The following MT1E variants were observed in gnomAD, a reference collection of about 807,000 sequenced individuals.
The protein encoded by MT1E is metallothionein 1E.
A neutral mutation model predicts 2.4 loss-of-function variants in MT1E; 1 was observed. The observed-to-expected ratio is 0.41, with a 90% CI of 0.15 to 1.97. The LOEUF is 1.97. Ranked by LOEUF, MT1E falls within the 30% of genes most tolerant of loss-of-function variation. The probability of loss-of-function intolerance (pLI) is 0.30; values close to 1 mark genes in which losing one functional copy is unlikely to be tolerated. For synonymous variants in MT1E, 78 were observed against 63.0 expected (o/e 1.24, Z -1.13); for missense variants, 145 against 149.6 (o/e 0.97, Z 0.16).
At position 56,626,961 on chromosome 16, in the gene MT1E, G is replaced by A; in HGVS notation, c.*140G>A. On this transcript the variant is annotated 3_prime_UTR_variant, in exon 2 of 2. Transcript: ENST00000330439. ...AAAGGGGCATCGGAGAAGTGCAGCT[G>A]CTGTGCCTGATGTGGGAACAGCTCT... 6.2e-7 allele frequency: 1 copy of A among 1,614,232 alleles called. No individual in the cohort carries two copies. The highest frequency in any genetic ancestry group is 1.7e-5 in the Admixed American group (1 of 60,032).
At chr16:56,626,137 C>T (rs1302323649) in intron 1 of MT1E, among the ~76,000 whole-genome samples, 5 of 152,186 alleles carry the variant, frequency 3.3e-5, no homozygotes, top group Non-Finnish European at 7.3e-5. Context: ...GGCCCCAGTG[C>T]TCTGTCCAGG....
chr16:56,626,370 C>G, intron 1 of MT1E, 96 bp from the exon 2 acceptor site: 1 of 1,568,612 alleles, frequency 6.4e-7, no homozygotes, highest in Non-Finnish European at 8.8e-7. Flanking sequence ...TGAGGGCTGG[C>G]CCTGCACAGA....
chr16:56,627,085 C>T lies in MT1E; in HGVS notation c.*264C>T. 1 of 1,374,308 alleles carries T rather than the reference C, an allele frequency of 7.3e-7. No individual in the cohort carries two copies. Among genetic ancestry groups the T allele is most frequent in the Non-Finnish European group, 9.9e-7 (1 of 1,010,908 alleles). The allele number at this position is 1,374,308 out of a possible 1,614,324, so 85.1% of individuals were successfully genotyped here. A position where few individuals can be genotyped will look rare whatever the true frequency, so the allele number is the denominator to read the frequency against. ...ATTTCTTTTTATACTAAATATGTGA[C>T]TGACAATAAAAACAATTTTGACTTT... is the stretch of plus-strand genomic sequence containing the variant. On this transcript the variant is annotated 3_prime_UTR_variant, in exon 2 of 2. Transcript: ENST00000330439.
rs757193975 is a variant in MT1E at position 56,626,770 on chromosome 16, A to T, written c.333A>T (p.Lys111Asn). 19 of 1,613,454 alleles carry T rather than the reference A, an allele frequency of 1.2e-5. No homozygotes were observed. The East Asian group carries it at 4.2e-4, about 36-fold the overall frequency. Residue 111 changes from lysine to asparagine, a missense_variant, in exon 2 of 2, where the codon AAA (lysine) becomes AAT (asparagine). Lys to Asn is a moderately conservative substitution (Grantham distance 94, BLOSUM62 0). Transcript: ENST00000330439. The part of the protein sequence containing the change: ...YGFRTELCQT[K>N]KSILWVWVLS... The stretch of plus-strand genomic sequence containing the variant: ...TCAGAACAGAGCTGTGCCAGACGAA[A>T]AAAAGCATCCTCTGGGTCTGGGTTC...
Position 56,626,861 on chromosome 16 carries a change from C to A in MT1E, c.*40C>A, listed in dbSNP as rs1420491665. ...CGGTCAAGTCTACTGCCACCTCTCACTCTCCCCTTCTTCCCCAGGCTGCTG... is the reference window on the plus strand; with the variant it reads ...CGGTCAAGTCTACTGCCACCTCTCAATCTCCCCTTCTTCCCCAGGCTGCTG... On this transcript the variant is annotated 3_prime_UTR_variant, in exon 2 of 2. Transcript: ENST00000330439. The A allele has an allele frequency of 1.2e-6, 2 of 1,614,112 alleles. No homozygotes were observed. Among genetic ancestry groups the A allele is most frequent in the African/African-American group, 2.7e-5 (2 of 74,928 alleles).
In MT1E at chr16:56,625,811, T is replaced by C. The variant is rs756285349; in HGVS notation, c.-41T>C. ...GCTTTCCAACTGCCTGACTGCTTGT[T>C]CGTCTCACTGGTGTGAGCTCCAGCA... On this transcript the variant is annotated 5_prime_UTR_variant, in exon 1 of 2. Transcript: ENST00000330439. 1 of 1,611,996 alleles carries C rather than the reference T, an allele frequency of 6.2e-7. No homozygotes were observed. Among genetic ancestry groups the C allele is most frequent in the East Asian group, 2.2e-5 (1 of 44,864 alleles).
In MT1E at chr16:56,627,071, T is replaced by TA. The variant is rs1210527221; in HGVS notation, c.*251dup. 1.4e-6 allele frequency: 2 copies of TA among 1,452,678 alleles called. No individual in the cohort carries two copies. Among genetic ancestry groups the TA allele is most frequent in the African/African-American group, 2.8e-5 (2 of 70,686 alleles). The allele number at this position is 1,452,678 out of a possible 1,614,324, so 90.0% of individuals were successfully genotyped here. ...GAGCCATTTGCTGCATTTCTTTTTA[T>TA]ACTAAATATGTGACTGACAATAAAA... On this transcript the variant is annotated 3_prime_UTR_variant, in exon 2 of 2. Transcript: ENST00000330439.
Position 56,626,833 on chromosome 16 carries a change from G to A in MT1E, c.*12G>A, listed in dbSNP as rs1291107362. ...AGGCTTGCTATTAGGGCAGGGAGGT[G>A]CCCGGTCAAGTCTACTGCCACCTCT... On this transcript the variant is annotated 3_prime_UTR_variant, in exon 2 of 2. Transcript: ENST00000330439. The A allele has an allele frequency of 6.2e-7, 1 of 1,614,188 alleles. No homozygotes were observed. Among genetic ancestry groups the A allele is most frequent in the Non-Finnish European group, 8.5e-7 (1 of 1,180,022 alleles).
At position 56,626,809 on chromosome 16, in the gene MT1E, G is replaced by A. The variant is rs564770777; in HGVS notation, c.372G>A (p.Gln124=). 11 of 1,614,042 alleles carry A rather than the reference G, an allele frequency of 6.8e-6. No individual in the cohort carries two copies. The Admixed American group carries it at 1.7e-4, about 24-fold the overall frequency. ...GGGTCTGGGTTCTGAGCTCGAGCCA[G>A]GCTTGCTATTAGGGCAGGGAGGTGC... The part of the protein sequence containing the change: ...ILWVWVLSSS[Q]ACY The change falls in exon 2 of 2, where the codon CAG becomes CAA. Residue 124 remains glutamine, a synonymous_variant. Transcript: ENST00000330439.
At position 56,625,812 on chromosome 16, in the gene MT1E, C is replaced by A; in HGVS notation, c.-40C>A. On this transcript the variant is annotated 5_prime_UTR_variant, in exon 1 of 2. Transcript: ENST00000330439. ...CTTTCCAACTGCCTGACTGCTTGTT[C>A]GTCTCACTGGTGTGAGCTCCAGCAT... is the stretch of plus-strand genomic sequence containing the variant. The A allele has an allele frequency of 6.2e-7, 1 of 1,611,774 alleles. No individual in the cohort carries two copies. Among genetic ancestry groups the A allele is most frequent in the Non-Finnish European group, 8.5e-7 (1 of 1,179,112 alleles).
intron 1 of MT1E, 23 bp downstream of exon 1, chr16:56,625,902 G>A (rs1238989040): frequency 6.2e-7 from 1 of 1,613,932 alleles, no homozygotes; most frequent in South Asian, 1.1e-5. Context: ...CTGCGCCCTG[G>A]AATCCCCATT....
intron 1 of MT1E, 97 bp downstream of exon 1, chr16:56,625,976 G>C: frequency 1.4e-6 from 2 of 1,405,118 alleles, no homozygotes; most frequent in Non-Finnish European, 2.0e-6. Flanking sequence ...CTGAGCGACG[G>C]GGACTCCAGT....
At position 56,627,084 on chromosome 16, in the gene MT1E, A is replaced by G. The variant is rs1338773491; in HGVS notation, c.*263A>G. On this transcript the variant is annotated 3_prime_UTR_variant, in exon 2 of 2. Transcript: ENST00000330439. Reference sequence around the variant, plus strand: ...CATTTCTTTTTATACTAAATATGTGACTGACAATAAAAACAATTTTGACTT... The same window carrying G: ...CATTTCTTTTTATACTAAATATGTGGCTGACAATAAAAACAATTTTGACTT... 15 of 1,376,624 alleles carry G rather than the reference A, an allele frequency of 1.1e-5. No homozygotes were observed. The East Asian group carries it at 3.6e-4, about 33-fold the overall frequency. The allele number at this position is 1,376,624 out of a possible 1,614,324, so 85.3% of individuals were successfully genotyped here.
chr16:56,626,867 C>G lies in MT1E; in HGVS notation c.*46C>G. ...AGTCTACTGCCACCTCTCACTCTCCCCTTCTTCCCCAGGCTGCTGTTCCTG... is the reference window on the plus strand; with the variant it reads ...AGTCTACTGCCACCTCTCACTCTCCGCTTCTTCCCCAGGCTGCTGTTCCTG... On this transcript the variant is annotated 3_prime_UTR_variant, in exon 2 of 2. Coordinates refer to ENST00000330439, the MANE Select transcript of MT1E (RefSeq NM_001363555.2). 6.2e-7 allele frequency: 1 copy of G among 1,614,202 alleles called. No individual in the cohort carries two copies. The highest frequency in any genetic ancestry group is 1.1e-5 in the South Asian group (1 of 91,078).
In MT1E at chr16:56,625,809, G is replaced by A; in HGVS notation, c.-43G>A. ...CTGCTTTCCAACTGCCTGACTGCTT[G>A]TTCGTCTCACTGGTGTGAGCTCCAG... On this transcript the variant is annotated 5_prime_UTR_variant, in exon 1 of 2. Coordinates refer to ENST00000330439, the MANE Select transcript of MT1E (RefSeq NM_001363555.2). The A allele has an allele frequency of 6.2e-7, 1 of 1,611,844 alleles. No homozygotes were observed. Among genetic ancestry groups the A allele is most frequent in the Non-Finnish European group, 8.5e-7 (1 of 1,179,258 alleles).
Position 56,626,715 on chromosome 16 carries a change from A to T in MT1E, c.278A>T (p.Asp93Val). ...GGCAGGACAGCATTTTTCTCGTGGG[A>T]CACAAACCCCAACTGTACCCCCTAT... ...RWGRTAFFSWDTNPNCTPYGF... is the reference protein window; with the variant it reads ...RWGRTAFFSWVTNPNCTPYGF... Residue 93 changes from aspartate to valine, a missense_variant, in exon 2 of 2, where the codon GAC (aspartate) becomes GTC (valine). Physicochemically the swap from Asp to Val is radical, Grantham distance 152. Transcript: ENST00000330439. 5 of 1,592,842 alleles carry T rather than the reference A, an allele frequency of 3.1e-6. No homozygotes were observed. Among genetic ancestry groups the T allele is most frequent in the Non-Finnish European group, 4.3e-6 (5 of 1,169,860 alleles).
At position 56,626,900 on chromosome 16, in the gene MT1E, G is replaced by T. The variant is rs754793720; in HGVS notation, c.*79G>T. The stretch of plus-strand genomic sequence containing the variant: ...CCCAGGCTGCTGTTCCTGCTGCCCC[G>T]TGGGCTGTGCCAAGTGTGCCCAGGG... On this transcript the variant is annotated 3_prime_UTR_variant, in exon 2 of 2. Coordinates refer to ENST00000330439, the MANE Select transcript of MT1E (RefSeq NM_001363555.2). 10 of 1,614,088 alleles carry T rather than the reference G, an allele frequency of 6.2e-6. No individual in the cohort carries two copies. The East Asian group carries it at 2.2e-4, about 36-fold the overall frequency.
At position 56,626,791 on chromosome 16, in the gene MT1E, G is replaced by A; in HGVS notation, c.354G>A (p.Trp118Ter). 1 of 1,613,970 alleles carries A rather than the reference G, an allele frequency of 6.2e-7. No homozygotes were observed. Among genetic ancestry groups the A allele is most frequent in the Non-Finnish European group, 8.5e-7 (1 of 1,179,936 alleles). ...CQTKKSILWV[W>*]VLSSSQACY Reference sequence around the variant, plus strand: ...CGAAAAAAAGCATCCTCTGGGTCTGGGTTCTGAGCTCGAGCCAGGCTTGCT... The same window carrying A: ...CGAAAAAAAGCATCCTCTGGGTCTGAGTTCTGAGCTCGAGCCAGGCTTGCT... Residue 118 changes from tryptophan (W) to a stop codon, truncating the protein, a stop_gained, in exon 2 of 2, where the codon TGG becomes TGA. Transcript: ENST00000330439. LOFTEE classifies it low-confidence loss of function (END_TRUNC).
Position 56,626,721 on chromosome 16 carries a change from A to C in MT1E, c.284A>C (p.Asn95Thr). 3 of 1,596,102 alleles carry C rather than the reference A, an allele frequency of 1.9e-6. No individual in the cohort carries two copies. Among genetic ancestry groups the C allele is most frequent in the Non-Finnish European group, 2.6e-6 (3 of 1,171,614 alleles). ...ACAGCATTTTTCTCGTGGGACACAA[A>C]CCCCAACTGTACCCCCTATGGTTTC... ...GRTAFFSWDT[N>T]PNCTPYGFRT... Residue 95 changes from asparagine (N) to threonine (T), a missense_variant, in exon 2 of 2, where the codon AAC becomes ACC. Physicochemically the swap from Asn to Thr is moderately conservative, Grantham distance 65. Coordinates refer to ENST00000330439, the MANE Select transcript of MT1E (RefSeq NM_001363555.2).
Sources: gnomAD v4.1 joint callset for allele counts (sites outside exome capture counted in the v4.1 genomes callset) on GRCh38, gnomAD v4.1.1 for gene constraint, MANE v1.5 for transcripts, NCBI Gene and HGNC (gene_info 2026-07-23, HGNC 2026-07-21) for gene names.